The following ASTN1 variants were observed in gnomAD, a reference collection of about 807,000 sequenced individuals.
ASTN1 encodes astrotactin-1.
In ASTN1, 41 loss-of-function variants were observed where a neutral mutation model predicts 140.7. The ratio of observed to expected loss-of-function variants is 0.29; its 90% CI spans 0.23 to 0.38. The LOEUF is 0.38. Ranked by LOEUF, ASTN1 falls within the 10% of genes least tolerant of loss-of-function variation. The pLI is 1.00. For missense variants in ASTN1, 1,479 were observed against 1,678.8 expected, an observed-to-expected ratio of 0.88 and a Z score of 2.08; for synonymous variants, 640 against 652.2, an observed-to-expected ratio of 0.98 and a Z score of 0.29.
intron 1 of ASTN1, among the ~76,000 whole-genome samples, chr1:177,112,377 G>T (rs910819120): frequency 6.6e-6 from 1 of 152,176 alleles, no homozygotes; most frequent in Non-Finnish European, 1.5e-5. Context: ...GCTCCTATCC[G>T]CCACGCCTTC....
downstream of ASTN1, among the ~76,000 whole-genome samples, chr1:176,858,517 G>C (rs539852942): frequency 6.6e-6 from 1 of 152,230 alleles, no homozygotes; most frequent in South Asian, 2.1e-4. Flanking sequence ...AGAAAACAGA[G>C]ACTGGCACAA....
At chr1:176,911,615 C>T (rs1297040802) in intron 16 of ASTN1, among the ~76,000 whole-genome samples, 1 of 151,766 alleles carries the variant, frequency 6.6e-6, no homozygotes, top group Admixed American at 6.6e-5. Flanking sequence ...TGTTTTCCAC[C>T]TCCATATCTT....
chr1:177,149,095 G>A (rs1377626174), intron 1 of ASTN1, among the ~76,000 whole-genome samples: 3 of 133,838 alleles, frequency 2.2e-5, no homozygotes, highest in Non-Finnish European at 3.1e-5. Context: ...CATATATATA[G>A]TAAATATATA....
chr1:176,915,580 A>T (rs1670443718), intron 16 of ASTN1, among the ~76,000 whole-genome samples: 1 of 152,104 alleles, frequency 6.6e-6, no homozygotes, highest in Non-Finnish European at 1.5e-5. Flanking sequence ...ACCAGCTTCC[A>T]ATCTATTGGC....
At chr1:176,913,907 G>C (rs564657457) in intron 16 of ASTN1, among the ~76,000 whole-genome samples, 1 of 152,180 alleles carries the variant, frequency 6.6e-6, no homozygotes, top group Admixed American at 6.5e-5. Context: ...ACCAACATTT[G>C]GTTCACAAGC....
chr1:177,087,733 G>A (rs748263655), intron 1 of ASTN1, among the ~76,000 whole-genome samples: 112 of 152,224 alleles, frequency 7.4e-4, no homozygotes, highest in Non-Finnish European at 1.0e-3. Context: ...TATTCAGAGA[G>A]CCCAAGGTGC....
At chr1:176,880,307 T>TCC (rs1668743607) in intron 20 of ASTN1, among the ~76,000 whole-genome samples, 1 of 152,158 alleles carries the variant, frequency 6.6e-6, no homozygotes, top group African/African-American at 2.4e-5. Context: ...AAGGACTGGC[T>TCC]CTCTTGTCTG....
intron 2 of ASTN1, among the ~76,000 whole-genome samples, chr1:177,033,299 A>G (rs1306145012): frequency 6.6e-6 from 1 of 152,134 alleles, no homozygotes; most frequent in Non-Finnish European, 1.5e-5. Context: ...CTAAACATCA[A>G]TCATAGATTC....
At chr1:176,879,988 A>G (rs1352954032) in intron 20 of ASTN1, among the ~76,000 whole-genome samples, 1 of 152,204 alleles carries the variant, frequency 6.6e-6, no homozygotes, top group Admixed American at 6.5e-5. Context: ...GCTTACCGTT[A>G]GCGTTATCGT....
intron 1 of ASTN1, among the ~76,000 whole-genome samples, chr1:177,066,664 T>G (rs112563179): frequency 3.7e-4 from 57 of 152,304 alleles, no homozygotes; most frequent in African/African-American, 1.3e-3. Context: ...GGATCAGGAT[T>G]TCTCCCAAAA....
At chr1:176,908,402 C>T (rs959927750) in intron 16 of ASTN1, among the ~76,000 whole-genome samples, 1 of 152,058 alleles carries the variant, frequency 6.6e-6, no homozygotes, top group Non-Finnish European at 1.5e-5. Flanking sequence ...CACATCTGGC[C>T]CTAGAAAGAA....
chr1:177,000,726 C>T (rs1306558686), intron 8 of ASTN1, among the ~76,000 whole-genome samples: 1 of 152,164 alleles, frequency 6.6e-6, no homozygotes, highest in Admixed American at 6.5e-5. Flanking sequence ...TACAGGAAAA[C>T]ATATTTTTGC....
intron 4 of ASTN1, among the ~76,000 whole-genome samples, chr1:177,029,965 C>A (rs1156658838): frequency 6.6e-6 from 1 of 152,186 alleles, no homozygotes; most frequent in African/African-American, 2.4e-5. Context: ...CCACCCACTT[C>A]CCTCTGACTA....
downstream of ASTN1, chr1:176,857,708 G>T: frequency 2.0e-6 from 1 of 492,830 alleles, no homozygotes; most frequent in South Asian, 3.8e-5. Flanking sequence ...AGCACTATGT[G>T]ATACAGAACA....
chr1:177,111,065 G>A (rs1018835885), intron 1 of ASTN1, among the ~76,000 whole-genome samples: 1 of 152,208 alleles, frequency 6.6e-6, no homozygotes, highest in East Asian at 1.9e-4. Flanking sequence ...CTTGGGGACA[G>A]TGGCAGGATA....
intron 2 of ASTN1, among the ~76,000 whole-genome samples, chr1:177,041,249 A>G (rs1676956013): frequency 6.6e-6 from 1 of 152,204 alleles, no homozygotes; most frequent in South Asian, 2.1e-4. Context: ...ATCCCTCTGG[A>G]TGTAGACGTA....
chr1:177,112,467 G>C (rs1476975606), intron 1 of ASTN1, among the ~76,000 whole-genome samples: 1 of 152,186 alleles, frequency 6.6e-6, no homozygotes, highest in African/African-American at 2.4e-5. Flanking sequence ...GTGTTGGGCG[G>C]GGTGGGTGCC....
At chr1:177,097,517 A>C (rs995203332) in intron 1 of ASTN1, among the ~76,000 whole-genome samples, 1 of 152,224 alleles carries the variant, frequency 6.6e-6, no homozygotes, top group Non-Finnish European at 1.5e-5. Context: ...CTACGATATC[A>C]TGATAAAATA....
intron 16 of ASTN1, among the ~76,000 whole-genome samples, chr1:176,915,502 A>G (rs778376461): frequency 7.9e-5 from 12 of 152,294 alleles, no homozygotes; most frequent in East Asian, 1.9e-4. Flanking sequence ...GATTTTTCAC[A>G]GTTGTTTTCA....
Sources: gnomAD v4.1 joint callset for allele counts (sites outside exome capture counted in the v4.1 genomes callset) on GRCh38, gnomAD v4.1.1 for gene constraint, MANE v1.5 for transcripts, NCBI Gene and HGNC (gene_info 2026-07-23, HGNC 2026-07-21) for gene names.